The following VPS13C variants were observed in gnomAD, a reference collection of about 807,000 sequenced individuals.
The protein encoded by VPS13C is vacuolar protein sorting 13 homolog C, also known as intermembrane lipid transfer protein VPS13C.
VPS13C carries 358 observed loss-of-function variants against 456.8 expected under a neutral mutation model. The ratio of observed to expected loss-of-function variants is 0.78; its 90% confidence interval spans 0.72 to 0.86. The LOEUF (loss-of-function observed/expected upper bound fraction) is 0.86, where lower values mean the gene tolerates loss of function less well. Among genes scored for constraint, VPS13C ranks in the 40% least tolerant of loss-of-function variants. The pLI, the probability that VPS13C is intolerant of heterozygous loss-of-function variation, is 0.00. For synonymous variants in VPS13C, 1,578 were observed against 1,486.7 expected (o/e 1.06, Z -1.41); for missense variants, 4,818 against 4,385.4 (o/e 1.10, Z -2.79).
At chr15:62,001,263 GA>G (rs2046602794) in intron 15 of VPS13C, among the ~76,000 whole-genome samples, 2 of 152,148 alleles carry the variant, frequency 1.3e-5, no homozygotes, top group Non-Finnish European at 2.9e-5. Context: ...TCCATAATCA[GA>G]AGGACACTTG....
chr15:62,010,450 G>C, intron 13 of VPS13C, 22 bp downstream of exon 13: 3 of 1,566,010 alleles, frequency 1.9e-6, no homozygotes, highest in Non-Finnish European at 2.6e-6. Context: ...ATCAAAGCTG[G>C]AAATATCCAC....
At chr15:61,947,090 A>C in intron 43 of VPS13C, 103 bp downstream of exon 43, 1 of 747,558 alleles carries the variant, frequency 1.3e-6, no homozygotes, top group South Asian at 2.1e-5. Context: ...CTTCAATATA[A>C]GTAAACCAAA....
At chr15:61,929,474 C>G (rs1382214479) in intron 51 of VPS13C, 27 bp downstream of exon 51, 1 of 1,588,210 alleles carries the variant, frequency 6.3e-7, no homozygotes, top group South Asian at 1.1e-5. Context: ...TACAAGTTGT[C>G]ATCTATGACA....
At chr15:61,890,942 G>A (rs1049613206) in intron 66 of VPS13C, among the ~76,000 whole-genome samples, 1 of 152,140 alleles carries the variant, frequency 6.6e-6, no homozygotes, top group Non-Finnish European at 1.5e-5. Flanking sequence ...AGCTACTCAG[G>A]AGGCTGAGGC....
chr15:61,881,067 T>G, intron 71 of VPS13C, 113 bp from the exon 72 acceptor site: 2 of 813,304 alleles, frequency 2.5e-6, no homozygotes, highest in Non-Finnish European at 1.9e-6. Context: ...CTTCATCTCC[T>G]AAAAATTATG....
intron 32 of VPS13C, 118 bp from the exon 33 acceptor site, chr15:61,962,970 C>T: frequency 1.5e-6 from 1 of 646,518 alleles, no homozygotes; most frequent in Non-Finnish European, 2.4e-6. Flanking sequence ...GTTTCAACTC[C>T]CAATGGATAA....
rs772877374 is a variant in VPS13C, at chr15:61,917,472, C to A, written c.7924G>T (p.Val2642Phe). ...TAGCTCAATTCATCAGGCAGAGCAACTGTATTCACTATGAGAGGTAAGAAG... is the reference window on the plus strand; with the variant it reads ...TAGCTCAATTCATCAGGCAGAGCAAATGTATTCACTATGAGAGGTAAGAAG... ...VSFLPLIVNT[V>F]ALPDELSYIC... The change falls in exon 60 of 85, where the codon GTT becomes TTT. Residue 2642 changes from valine (V) to phenylalanine (F), a missense_variant. Physicochemically the swap from Val to Phe is conservative, Grantham distance 50. Transcript: ENST00000644861. The A allele has an allele frequency of 6.2e-7, 1 of 1,613,948 alleles. No individual in the cohort carries two copies. The highest frequency in any genetic ancestry group is 8.5e-7 in the Non-Finnish European group (1 of 1,179,944).
At chr15:62,052,464 A>G (rs1487257514) in intron 1 of VPS13C, among the ~76,000 whole-genome samples, 2 of 152,080 alleles carry the variant, frequency 1.3e-5, no homozygotes, top group Non-Finnish European at 2.9e-5. Context: ...TCACAAGGTC[A>G]GGAGATCAAG....
At position 61,882,616 on chromosome 15, in the gene VPS13C, C is replaced by T. The variant is rs200856865; in HGVS notation, c.9604G>A (p.Ala3202Thr). 2.4e-5 allele frequency: 37 copies of T among 1,567,594 alleles called. 1 individual carries two copies. The highest frequency in any genetic ancestry group is 3.1e-5 in the Non-Finnish European group (36 of 1,159,054). The change falls in exon 69 of 85, where the codon GCC (alanine) becomes ACC (threonine). Residue 3202 changes from alanine (A) to threonine (T), a missense_variant. Physicochemically the swap from Ala to Thr is moderately conservative, Grantham distance 58. Transcript: ENST00000644861. ...GTTACCTGAAGCCAGTACAACCTGG[C>T]CCTTAAACTTCTCTGGTGAGAAGAC... ...KQSSHQRSLR[A>T]RLYWLQVDNQ...
At chr15:61,919,149 T>C (rs111796680) in intron 58 of VPS13C, 140 bp downstream of exon 58, 6 of 811,550 alleles carry the variant, frequency 7.4e-6, no homozygotes, top group African/African-American at 3.7e-5. Flanking sequence ...TCTGTTACTA[T>C]TTATTTCTGA....
rs2044242627 is a variant in VPS13C, at chr15:61,936,814, A to G, written c.5602-64T>C. 4 of 1,458,364 alleles carry G rather than the reference A, an allele frequency of 2.7e-6. No homozygotes were observed. In the East Asian group the frequency reaches 9.3e-5, roughly 34 times the overall value. 90.3% of individuals were successfully genotyped at this position (1,458,364 alleles called of 1,614,324 possible). A position where few individuals can be genotyped will look rare whatever the true frequency, so the allele number is the denominator to read the frequency against. On this transcript the variant is annotated intron_variant, in intron 47 of 84. Transcript: ENST00000644861. The stretch of plus-strand genomic sequence containing the variant: ...AAAAAATGTAGACTATCATATCTAT[A>G]TCTCGATTTGTGGTTTTTCAAATTA...
At chr15:62,033,986 T>C (rs558364145) in intron 4 of VPS13C, among the ~76,000 whole-genome samples, 22 of 151,632 alleles carry the variant, frequency 1.5e-4, no homozygotes, top group African/African-American at 5.1e-4. Flanking sequence ...ATATAAGCCC[T>C]TTTTATCTAG....
At position 61,904,671 on chromosome 15, in the gene VPS13C, T is replaced by C. The variant is rs553674820; in HGVS notation, c.9105+2593A>G. On this transcript the variant is annotated intron_variant, in intron 66 of 84. Transcript: ENST00000644861. ...ATCCCAATGAAAGGAAATCAGAATA[T>C]TGAAGGTCCCATATTTATTGCAACA... Among the ~76,000 whole-genome samples, 20 of 152,134 alleles carry C rather than the reference T, an allele frequency of 1.3e-4. No homozygotes were observed. In the South Asian group the frequency reaches 3.7e-3, roughly 28 times the overall value.
At chr15:61,916,523 C>T (rs968468256) in intron 60 of VPS13C, among the ~76,000 whole-genome samples, 1 of 151,996 alleles carries the variant, frequency 6.6e-6, no homozygotes, top group Non-Finnish European at 1.5e-5. Flanking sequence ...AACATATAAA[C>T]CATGTTTCCT....
intron 16 of VPS13C, among the ~76,000 whole-genome samples, chr15:61,992,297 T>G (rs1183495179): frequency 6.6e-6 from 1 of 152,182 alleles, no homozygotes; most frequent in East Asian, 1.9e-4. Context: ...CACCCTCTTT[T>G]CTCAACAAAT....
chr15:62,033,865 T>C (rs2047899773), intron 4 of VPS13C, among the ~76,000 whole-genome samples: 1 of 151,586 alleles, frequency 6.6e-6, no homozygotes, highest in African/African-American at 2.4e-5. Flanking sequence ...TACTGCTCTA[T>C]CAGTGGTAAA....
chr15:61,984,951 T>C lies in VPS13C; in HGVS notation c.1627A>G (p.Ile543Val), dbSNP rs778904874. 3.1e-6 allele frequency: 5 copies of C among 1,610,478 alleles called. No homozygotes were observed. The highest frequency in any genetic ancestry group is 1.3e-5 in the African/African-American group (1 of 74,662). Residue 543 changes from isoleucine to valine, a missense_variant, in exon 19 of 85, where the codon ATA becomes GTA. By Grantham distance (29) the Ile-to-Val change is conservative (BLOSUM62 3). Around this residue, in one of 3 missense-constraint regions of VPS13C, gnomAD observed 4,552 missense variants for 4,130.6 expected, o/e 1.10. Transcript: ENST00000644861. ...TCTGGAATATTCTTGTTTTCTCTTA[T>C]CGTAACAGAGGTGCTTACTAACTTC... is the stretch of plus-strand genomic sequence containing the variant. Reference protein sequence around the residue: ...TLKLVSTSVTIRENKNIPEIL... With the variant: ...TLKLVSTSVTVRENKNIPEIL...
At position 61,876,954 on chromosome 15, in the gene VPS13C, T is replaced by C. The variant is rs905983926; in HGVS notation, c.10224+19A>G. 1 of 1,564,592 alleles carries C rather than the reference T, an allele frequency of 6.4e-7. No individual in the cohort carries two copies. The highest frequency in any genetic ancestry group is 8.8e-7 in the Non-Finnish European group (1 of 1,141,938). On this transcript the variant is annotated intron_variant, in intron 75 of 84. Transcript: ENST00000644861. The stretch of plus-strand genomic sequence containing the variant: ...TTTATGAAGTATATTCCTTATGAAA[T>C]ACTATGATAGGAAATTACCTGTTCA...
Position 61,991,615 on chromosome 15 carries a change from TTA to T in VPS13C, c.1483+56_1483+57del, listed in dbSNP as rs1366365092. The stretch of plus-strand genomic sequence containing the variant: ...TAAAATTCAACAGGGAAGATATAAT[TTA>T]CACAGTTTTTTTTTAACTTAACACT... On this transcript the variant is annotated intron_variant, in intron 17 of 84. Transcript: ENST00000644861. 20 of 1,521,828 alleles carry T rather than the reference TTA, an allele frequency of 1.3e-5. No homozygotes were observed. In the East Asian group the frequency reaches 4.6e-4, roughly 35 times the overall value. 94.3% of individuals were successfully genotyped at this position (1,521,828 alleles called of 1,614,324 possible).
Sources: gnomAD v4.1 joint callset for allele counts (sites outside exome capture counted in the v4.1 genomes callset) on GRCh38, gnomAD v4.1.1 for gene constraint, gnomAD v4.1.1 regional missense constraint, MANE v1.5 for transcripts, NCBI Gene and HGNC (gene_info 2026-07-23, HGNC 2026-07-21) for gene names.